The following CBX6 variants were observed in gnomAD, a reference collection of about 807,000 sequenced individuals.
CBX6 encodes the protein chromobox 6, also known as chromobox protein homolog 6.
Under a neutral mutation model 28.4 loss-of-function variants are expected in CBX6, and 7 were observed. The observed-to-expected ratio is 0.25, with a 90% CI of 0.14 to 0.46. The LOEUF is 0.46. Among genes scored for constraint, CBX6 ranks in the 20% least tolerant of loss-of-function variants. The pLI is 0.99. For synonymous variants in CBX6, 297 were observed against 273.4 expected, an observed-to-expected ratio of 1.09 and a Z score of -0.85; for missense variants, 512 against 606.1, an observed-to-expected ratio of 0.84 and a Z score of 1.63.
rs2093159906 is a variant in CBX6 at position 38,862,549 on chromosome 22, A to G, written c.*3660T>C. On this transcript the variant is annotated 3_prime_UTR_variant, in exon 5 of 5. Transcript: ENST00000407418. ...AAAAAAAAAAAAAAAAAAAAAAGAA[A>G]GAAAGAAAAAAGAAAAACAAAAGAA... 2 of 142,784 alleles carry G rather than the reference A, an allele frequency of 1.4e-5. No homozygotes were observed. Among genetic ancestry groups the G allele is most frequent in the African/African-American group, 5.1e-5 (2 of 38,982 alleles). 8.8% of individuals were successfully genotyped at this position (142,784 alleles called of 1,614,324 possible).
chr22:38,866,761 G>A lies in CBX6; in HGVS notation c.687C>T (p.Phe229=). 1 of 1,611,126 alleles carries A rather than the reference G, an allele frequency of 6.2e-7. No homozygotes were observed. Among genetic ancestry groups the A allele is most frequent in the Non-Finnish European group, 8.5e-7 (1 of 1,178,726 alleles). The stretch of plus-strand genomic sequence containing the variant: ...GAGGCTTGTACAGCGCAAAGGCGCC[G>A]AACTTCATGTGGCGGATCTGTGTAC... ...VLRTQIRHMK[F]GAFALYKPPP... Residue 229 remains phenylalanine, a synonymous_variant, in exon 5 of 5, where the codon TTC becomes TTT. Coordinates refer to ENST00000407418, the MANE Select transcript of CBX6 (RefSeq NM_014292.5). The surrounding 1 kb of genome is among the most constrained non-coding windows in gnomAD (Gnocchi z 7.5).
rs776392309 is a variant in CBX6, at chr22:38,866,240, C to G, written c.1208G>C (p.Gly403Ala). ...GCTCGCCCCAATGCTGCCACCGCCC[C>G]CAGCGGCGCCTGCTACCCCAGCAGC... The part of the protein sequence containing the change: ...KVAAGVAGAA[G>A]GGGSIGASK The change falls in exon 5 of 5, where the codon GGG becomes GCG. Residue 403 changes from glycine (G) to alanine (A), a missense_variant. By Grantham distance (60) the Gly-to-Ala change is moderately conservative (BLOSUM62 0). Transcript: ENST00000407418. The surrounding 1 kb of genome is among the most constrained non-coding windows in gnomAD (Gnocchi z 7.5). 1.9e-6 allele frequency: 3 copies of G among 1,612,632 alleles called. No homozygotes were observed. The African/African-American group carries it at 4.0e-5, about 22-fold the overall frequency.
chr22:38,866,851 G>T lies in CBX6; in HGVS notation c.597C>A (p.Arg199=), dbSNP rs908590181. 3 of 1,608,572 alleles carry T rather than the reference G, an allele frequency of 1.9e-6. No homozygotes were observed. Among genetic ancestry groups the T allele is most frequent in the Non-Finnish European group, 2.5e-6 (3 of 1,177,836 alleles). Residue 199 remains arginine, a synonymous_variant, in exon 5 of 5, where the codon CGC becomes CGA. Coordinates refer to ENST00000407418, the MANE Select transcript of CBX6 (RefSeq NM_014292.5). The surrounding 1 kb of genome is among the most constrained non-coding windows in gnomAD (Gnocchi z 7.5). ...GAGQGAGALA[R]PKVPSRNRVI... ...CGCGGTTCCGCGAGGGGACTTTGGG[G>T]CGGGCCAGCGCCCCGGCCCCCTGCC...
At position 38,862,052 on chromosome 22, in the gene CBX6, G is replaced by C. The variant is rs1039928892; in HGVS notation, c.*4157C>G. 1 of 152,198 alleles carries C rather than the reference G, an allele frequency of 6.6e-6. No individual in the cohort carries two copies. The highest frequency in any genetic ancestry group is 1.5e-5 in the Non-Finnish European group (1 of 68,044). The allele number at this position is 152,198 out of a possible 1,614,324, so 9.4% of individuals were successfully genotyped here. On this transcript the variant is annotated 3_prime_UTR_variant, in exon 5 of 5. Coordinates refer to ENST00000407418, the MANE Select transcript of CBX6 (RefSeq NM_014292.5). ...CTCCACCCAGCAGCAAGGGCAGCCG[G>C]AACGCTTCGCTCCAGCTACCCGGCC...
At position 38,861,516 on chromosome 22, in the gene CBX6, C is replaced by T. The variant is rs930544303; in HGVS notation, c.*4693G>A. 6.6e-6 allele frequency: 1 copy of T among 152,236 alleles called. No homozygotes were observed. The highest frequency in any genetic ancestry group is 6.5e-5 in the Admixed American group (1 of 15,286). 9.4% of individuals were successfully genotyped at this position (152,236 alleles called of 1,614,324 possible). Reference sequence around the variant, plus strand: ...GGGGGTAAAAGAGGCTTTTCACCCCCCTTTCCTGGCGTTGATACAATATTG... The same window carrying T: ...GGGGGTAAAAGAGGCTTTTCACCCCTCTTTCCTGGCGTTGATACAATATTG... On this transcript the variant is annotated 3_prime_UTR_variant, in exon 5 of 5. Coordinates refer to ENST00000407418, the MANE Select transcript of CBX6 (RefSeq NM_014292.5).
Position 38,872,206 on chromosome 22 carries a change from C to T in CBX6, c.-16G>A. 1.4e-6 allele frequency: 2 copies of T among 1,381,446 alleles called. No individual in the cohort carries two copies. Among genetic ancestry groups the T allele is most frequent in the South Asian group, 1.3e-5 (1 of 76,314 alleles). The allele number at this position is 1,381,446 out of a possible 1,614,324, so 85.6% of individuals were successfully genotyped here. ...ACAGCTCCATCTTGCTCAGCGGCACCCACAGCCCATAATACTCCCTGCGCC... is the reference window on the plus strand; with the variant it reads ...ACAGCTCCATCTTGCTCAGCGGCACTCACAGCCCATAATACTCCCTGCGCC... On this transcript the variant is annotated 5_prime_UTR_variant, in exon 1 of 5. Coordinates refer to ENST00000407418, the MANE Select transcript of CBX6 (RefSeq NM_014292.5). This position sits in a 1 kb window ranked among gnomAD's most constrained non-coding sequence, Gnocchi z 5.0.
rs1350211111 is a variant in CBX6 at position 38,862,512 on chromosome 22, G to C, written c.*3697C>G. On this transcript the variant is annotated 3_prime_UTR_variant, in exon 5 of 5. Transcript: ENST00000407418. ...TGGGGCTCCACTGTCCTGTGTGGGC[G>C]AAGTGCAAAAAAAAAAAAAAAAAAA... The C allele has an allele frequency of 1.1e-5, 1 of 88,024 alleles. No individual in the cohort carries two copies. Among genetic ancestry groups the C allele is most frequent in the Admixed American group, 1.8e-4 (1 of 5,640 alleles). The allele number at this position is 88,024 out of a possible 1,614,324, so 5.5% of individuals were successfully genotyped here. A position where few individuals can be genotyped will look rare whatever the true frequency, so the allele number is the denominator to read the frequency against.
chr22:38,867,228 G>GGGGGGTGGGGGGGGGGGGGGGGGC, intron 4 of CBX6, 27 bp from the exon 5 acceptor site: 11 of 518,852 alleles, frequency 2.1e-5, no homozygotes, highest in East Asian at 5.0e-5. Context: ...GGGTGGGTGG[G>GGGGGGTGGGGGGGGGGGGGGGGGC]ACCTCAGGAC....
chr22:38,868,622 G>T (rs1422648477), intron 4 of CBX6, among the ~76,000 whole-genome samples: 1 of 152,138 alleles, frequency 6.6e-6, no homozygotes, highest in Admixed American at 6.5e-5. Flanking sequence ...CACAAGGGGC[G>T]TGGGTTTTAG....
chr22:38,868,227 C>A (rs1224963480), intron 4 of CBX6, among the ~76,000 whole-genome samples: 1 of 152,244 alleles, frequency 6.6e-6, no homozygotes, highest in Non-Finnish European at 1.5e-5. Context: ...AGGCACCAGG[C>A]ACCAGTTGCT....
rs1187458147 is a variant in CBX6 at position 38,866,749 on chromosome 22, C to T, written c.699G>A (p.Ala233=). The change falls in exon 5 of 5, where the codon GCG becomes GCA. Residue 233 remains alanine (A), a synonymous_variant. Coordinates refer to ENST00000407418, the MANE Select transcript of CBX6 (RefSeq NM_014292.5). This position sits in a 1 kb window ranked among gnomAD's most constrained non-coding sequence, Gnocchi z 7.5. ...GGGGGGCGGGCGGAGGCTTGTACAG[C>T]GCAAAGGCGCCGAACTTCATGTGGC... ...QIRHMKFGAF[A]LYKPPPAPLV... is the part of the protein sequence containing the mutation. 4 of 1,609,052 alleles carry T rather than the reference C, an allele frequency of 2.5e-6. No individual in the cohort carries two copies. Among genetic ancestry groups the T allele is most frequent in the Admixed American group, 3.4e-5 (2 of 59,508 alleles).
Position 38,872,136 on chromosome 22 carries a change from G to A in CBX6, c.55C>T (p.Arg19Trp). ...RVFAAESIIK[R>W]RIRKGRIEYL... Reference sequence around the variant, plus strand: ...CGGCGGCTCACCTTTCGGATCCGCCGTTTGATGATGGATTCGGCCGCGAAG... The same window carrying A: ...CGGCGGCTCACCTTTCGGATCCGCCATTTGATGATGGATTCGGCCGCGAAG... Residue 19 changes from arginine (R) to tryptophan (W), a missense_variant, in exon 1 of 5, where the codon CGG (arginine) becomes TGG (tryptophan). Arg to Trp is a moderately radical substitution (Grantham distance 101). Around this residue, in one of 7 missense-constraint regions of CBX6, gnomAD observed 27 missense variants for 30.9 expected, o/e 0.87. Transcript: ENST00000407418. This position sits in a 1 kb window ranked among gnomAD's most constrained non-coding sequence, Gnocchi z 5.0. The A allele has an allele frequency of 2.1e-6, 3 of 1,425,452 alleles. No individual in the cohort carries two copies. The highest frequency in any genetic ancestry group is 2.8e-6 in the Non-Finnish European group (3 of 1,074,790). 88.3% of individuals were successfully genotyped at this position (1,425,452 alleles called of 1,614,324 possible). A position where few individuals can be genotyped will look rare whatever the true frequency, so the allele number is the denominator to read the frequency against.
chr22:38,868,273 G>A (rs1486780926), intron 4 of CBX6, among the ~76,000 whole-genome samples: 2 of 152,220 alleles, frequency 1.3e-5, no homozygotes, highest in Non-Finnish European at 2.9e-5. Flanking sequence ...ACTCTCCCCT[G>A]GAGAGCTGCC....
Position 38,872,059 on chromosome 22 carries a change from C to G in CBX6, c.69+63G>C. 7.7e-7 allele frequency: 1 copy of G among 1,294,804 alleles called. No homozygotes were observed. The highest frequency in any genetic ancestry group is 9.9e-7 in the Non-Finnish European group (1 of 1,014,318). The allele number at this position is 1,294,804 out of a possible 1,614,324, so 80.2% of individuals were successfully genotyped here. On this transcript the variant is annotated intron_variant, in intron 1 of 4. Coordinates refer to ENST00000407418, the MANE Select transcript of CBX6 (RefSeq NM_014292.5). The surrounding 1 kb of genome is among the most constrained non-coding windows in gnomAD (Gnocchi z 5.0). ...CCGGGCTAGCGGGACCGCTTCGCCC[C>G]GAGGGCCCCCGGCCCCGGCCCCGGC... is the stretch of plus-strand genomic sequence containing the variant.
intron 4 of CBX6, among the ~76,000 whole-genome samples, chr22:38,868,343 C>G (rs1190393137): frequency 6.6e-6 from 1 of 152,196 alleles, no homozygotes; most frequent in Non-Finnish European, 1.5e-5. Context: ...AGCGAAAGAA[C>G]CACAGAGCCC....
chr22:38,862,713 G>T lies in CBX6; in HGVS notation c.*3496C>A, dbSNP rs1054652940. 8 of 152,376 alleles carry T rather than the reference G, an allele frequency of 5.3e-5. No individual in the cohort carries two copies. Among genetic ancestry groups the T allele is most frequent in the African/African-American group, 1.9e-4 (8 of 41,556 alleles). 9.4% of individuals were successfully genotyped at this position (152,376 alleles called of 1,614,324 possible). On this transcript the variant is annotated 3_prime_UTR_variant, in exon 5 of 5. Transcript: ENST00000407418. ...CCTGGCCAACCCAGCTCCCTGTTGG[G>T]GCTGACCCTCCAGCCTTGGGCGGGC...
Position 38,871,897 on chromosome 22 carries a change from C to A in CBX6, c.113+5G>T. 1 of 1,543,744 alleles carries A rather than the reference C, an allele frequency of 6.5e-7. No individual in the cohort carries two copies. Among genetic ancestry groups the A allele is most frequent in the Non-Finnish European group, 8.7e-7 (1 of 1,143,514 alleles). Reference sequence around the variant, plus strand: ...CGCGACGCCCCCGGACCCCGCGACACTCACTTGATCGCCCACCCCTTCCAT... The same window carrying A: ...CGCGACGCCCCCGGACCCCGCGACAATCACTTGATCGCCCACCCCTTCCAT... On this transcript the variant is annotated splice_donor_5th_base_variant and intron_variant, in intron 2 of 4. Coordinates refer to ENST00000407418, the MANE Select transcript of CBX6 (RefSeq NM_014292.5). The surrounding 1 kb of genome is among the most constrained non-coding windows in gnomAD (Gnocchi z 5.6).
chr22:38,866,408 G>T lies in CBX6; in HGVS notation c.1040C>A (p.Ala347Asp). The T allele has an allele frequency of 6.2e-7, 1 of 1,612,432 alleles. No homozygotes were observed. Among genetic ancestry groups the T allele is most frequent in the Non-Finnish European group, 8.5e-7 (1 of 1,179,760 alleles). The change falls in exon 5 of 5, where the codon GCC becomes GAC. Residue 347 changes from alanine to aspartate, a missense_variant. By Grantham distance (126) the Ala-to-Asp change is moderately radical. This residue lies in a region of CBX6 where 290 missense variants were observed against 274.1 expected (regional missense o/e 1.06). Coordinates refer to ENST00000407418, the MANE Select transcript of CBX6 (RefSeq NM_014292.5). The surrounding 1 kb of genome is among the most constrained non-coding windows in gnomAD (Gnocchi z 7.5). ...GPAPPTAPEP[A>D]GASSEPEAGD... ...AGCCTCGGGCTCGGAGGAGGCACCG[G>T]CGGGCTCAGGGGCCGTGGGAGGTGC...
chr22:38,867,194 GCCCGCGCCTGCGGGCAGAGGGA>G lies in CBX6; in HGVS notation c.247-15_253del. Reference sequence around the variant, plus strand: ...ACTGATGCGGAGGGCCTCGGCCTGGGCCCGCGCCTGCGGGCAGAGGGAGGGGTGGGTGGGACCTCAGGACTGC... The same window carrying G: ...ACTGATGCGGAGGGCCTCGGCCTGGGGGGGTGGGTGGGACCTCAGGACTGC... On this transcript the variant is annotated splice_acceptor_variant and splice_polypyrimidine_tract_variant and coding_sequence_variant and intron_variant, in exon 5 of 5. Coordinates refer to ENST00000407418, the MANE Select transcript of CBX6 (RefSeq NM_014292.5). LOFTEE classifies it high-confidence loss of function. The G allele has an allele frequency of 3.3e-6, 2 of 598,126 alleles. No individual in the cohort carries two copies. The highest frequency in any genetic ancestry group is 5.5e-6 in the Non-Finnish European group (2 of 364,596). The allele number at this position is 598,126 out of a possible 1,614,324, so 37.1% of individuals were successfully genotyped here.
Sources: allele counts gnomAD v4.1 joint callset (sites outside exome capture counted in the v4.1 genomes callset), GRCh38; gene constraint gnomAD v4.1.1; regional missense constraint gnomAD v4.1.1; non-coding constraint Gnocchi (gnomAD v3.1); transcripts MANE v1.5; gene names NCBI Gene and HGNC (gene_info 2026-07-23, HGNC 2026-07-21).